CPAMD8: variants seen among roughly 807,000 people sequenced by gnomAD.
CPAMD8 encodes C3 and PZP-like alpha-2-macroglobulin domain-containing protein 8.
Under a neutral mutation model 224.7 loss-of-function variants are expected in CPAMD8, and 146 were observed. That is an observed-to-expected ratio of 0.65 (90% CI 0.57 to 0.75). The LOEUF is 0.75. Ranked by LOEUF, CPAMD8 falls within the 30% of genes least tolerant of loss-of-function variation. The pLI, the probability that CPAMD8 is intolerant of heterozygous loss-of-function variation, is 0.00. For missense variants in CPAMD8, 2,301 were observed against 2,537.5 expected, an observed-to-expected ratio of 0.91 and a Z score of 2.00; for synonymous variants, 966 against 1,044.6, an observed-to-expected ratio of 0.92 and a Z score of 1.45.
At chr19:16,904,607 T>TC in intron 30 of CPAMD8, 55 bp from the exon 31 acceptor site, 1 of 1,228,742 alleles carries the variant, frequency 8.1e-7, no homozygotes, top group East Asian at 2.3e-5. Flanking sequence ...TAGCCTGGCA[T>TC]CCCATGGAGC....
intron 39 of CPAMD8, chr19:16,897,048 C>A: frequency 8.1e-6 from 1 of 123,272 alleles, no homozygotes. Flanking sequence ...CCGCGGTGAC[C>A]ACACCTACCC....
chr19:16,969,522 A>T (rs1698836150), intron 18 of CPAMD8, among the ~76,000 whole-genome samples: 1 of 152,162 alleles, frequency 6.6e-6, no homozygotes, highest in Admixed American at 6.6e-5. Context: ...GTTGAGGTGA[A>T]GCTTCTAGGA....
chr19:16,972,028 T>C (rs1171035850), intron 17 of CPAMD8, among the ~76,000 whole-genome samples: 3 of 151,138 alleles, frequency 2.0e-5, no homozygotes, highest in Admixed American at 6.6e-5. Context: ...GCCTGGGCAA[T>C]AGAGCAAGAC....
intron 29 of CPAMD8, among the ~76,000 whole-genome samples, chr19:16,911,860 G>A (rs535853836): frequency 6.6e-6 from 1 of 152,170 alleles, no homozygotes; most frequent in Middle Eastern, 3.4e-3. Context: ...TGTATTTTTA[G>A]TAGAGACAGG....
intron 14 of CPAMD8, among the ~76,000 whole-genome samples, chr19:16,978,760 T>A (rs932076063): frequency 2.0e-5 from 3 of 152,006 alleles, no homozygotes; most frequent in Admixed American, 6.6e-5. Context: ...CATCCATCCA[T>A]CTATCCACTC....
intron 3 of CPAMD8, among the ~76,000 whole-genome samples, chr19:17,017,858 C>T (rs936843808): frequency 1.6e-4 from 24 of 151,982 alleles, no homozygotes; most frequent in African/African-American, 5.8e-4. Context: ...TGATGAAACC[C>T]CATCTCTATT....
intron 3 of CPAMD8, among the ~76,000 whole-genome samples, chr19:17,014,597 A>G (rs541674292): frequency 1.8e-3 from 267 of 152,308 alleles, no homozygotes; most frequent in Non-Finnish European, 3.1e-3. Context: ...GGTGAAAGGC[A>G]CGTCTTACAT....
chr19:16,914,636 G>C (rs770287163), intron 28 of CPAMD8, 21 bp downstream of exon 28: 3 of 1,613,704 alleles, frequency 1.9e-6, no homozygotes, highest in Non-Finnish European at 2.5e-6. Context: ...GCCCGGGAAG[G>C]AGGCTCAAGG....
At chr19:17,008,754 C>T (rs553107180) in intron 6 of CPAMD8, 195 bp from the exon 7 acceptor site, 32 of 658,512 alleles carry the variant, frequency 4.9e-5, no homozygotes, top group Admixed American at 7.6e-5. Flanking sequence ...AGGGGATGGG[C>T]TGGGCCTACC....
chr19:16,977,262 T>C (rs2055310531), intron 15 of CPAMD8, 106 bp downstream of exon 15: 1 of 715,300 alleles, frequency 1.4e-6, no homozygotes, highest in African/African-American at 1.8e-5. Flanking sequence ...TACATCATGC[T>C]GCGACACAAC....
intron 21 of CPAMD8, among the ~76,000 whole-genome samples, chr19:16,946,411 GCA>G (rs2054089584): frequency 6.9e-6 from 1 of 145,984 alleles, no homozygotes; most frequent in African/African-American, 2.5e-5. Context: ...ACACATGTGG[GCA>G]TGTGTGTGGA....
Position 16,936,283 on chromosome 19 carries a change from T to C in CPAMD8, c.2845+2112A>G, listed in dbSNP as rs1033352983. ...GGTGTGTAGGGGTATGTCATTATGC[T>C]GTAATTTGCATTTCCCTAATGATAA... On this transcript the variant is annotated intron_variant, in intron 23 of 41. Transcript: ENST00000443236. Among the ~76,000 whole-genome samples, 32 of 152,204 alleles carry C rather than the reference T, an allele frequency of 2.1e-4. 1 individual carries two copies. Among genetic ancestry groups the C allele is most frequent in the Admixed American group, 9.8e-4 (15 of 15,272 alleles).
intron 3 of CPAMD8, among the ~76,000 whole-genome samples, chr19:17,015,930 A>G (rs1022658864): frequency 7.2e-5 from 11 of 152,130 alleles, no homozygotes; most frequent in Non-Finnish European, 1.2e-4. Flanking sequence ...GAGAGAAGGC[A>G]AGAAGGACCT....
intron 27 of CPAMD8, among the ~76,000 whole-genome samples, chr19:16,918,301 G>A (rs2053038009): frequency 6.6e-6 from 1 of 152,012 alleles, no homozygotes; most frequent in African/African-American, 2.4e-5. Context: ...GGCCCCTCCT[G>A]TGTACTTTAA....
At chr19:16,906,390 CTTT>C (rs57898471) in intron 30 of CPAMD8, among the ~76,000 whole-genome samples, 555 of 78,362 alleles carry the variant, frequency 7.1e-3, no homozygotes, top group Non-Finnish European at 8.5e-3. Context: ...TTCTTTCTTT[CTTT>C]CTTTCTTTCT....
chr19:16,950,555 G>A (rs1454532726), intron 20 of CPAMD8, among the ~76,000 whole-genome samples: 2 of 151,926 alleles, frequency 1.3e-5, no homozygotes, highest in Admixed American at 6.6e-5. Flanking sequence ...CTGGCAGGCC[G>A]AAGTGGGAGG....
At chr19:17,016,653 AG>A (rs976391869) in intron 3 of CPAMD8, among the ~76,000 whole-genome samples, 21 of 152,090 alleles carry the variant, frequency 1.4e-4, no homozygotes, top group African/African-American at 5.1e-4. Flanking sequence ...CCAGCTACTC[AG>A]GAGGCTGAGG....
intron 39 of CPAMD8, among the ~76,000 whole-genome samples, chr19:16,897,163 A>AC (rs1456598600): frequency 4.0e-4 from 11 of 27,844 alleles, no homozygotes; most frequent in African/African-American, 1.5e-3. Context: ...CCCACCCTCG[A>AC]CCCCGCCCCC....
intron 35 of CPAMD8, 103 bp downstream of exon 35, chr19:16,902,545 AC>A: frequency 1.4e-6 from 1 of 689,986 alleles, no homozygotes. Context: ...AAAAACCACC[AC>A]TGAGTGCCTG....
Sources: allele counts gnomAD v4.1 joint callset (sites outside exome capture counted in the v4.1 genomes callset), GRCh38; gene constraint gnomAD v4.1.1; transcripts MANE v1.5; gene names NCBI Gene and HGNC (gene_info 2026-07-23, HGNC 2026-07-21).